DACH2: variants seen among roughly 807,000 people sequenced by gnomAD.
DACH2 encodes the protein dachshund family transcription factor 2.
DACH2 carries 17 observed loss-of-function variants against 35.8 expected under a neutral mutation model. That is an observed-to-expected ratio of 0.48 (90% CI 0.33 to 0.71). DACH2 has a LOEUF of 0.71. Among genes scored for constraint, DACH2 ranks in the 30% least tolerant of loss-of-function variants. DACH2 has a pLI of 0.02. For missense variants in DACH2, 469 were observed against 472.7 expected (o/e 0.99, Z 0.07); for synonymous variants, 195 against 177.3 (o/e 1.10, Z -0.79).
At chrX:86,698,514 GTTTTGTGTTTT>G (rs1488639909) in intron 5 of DACH2, among the ~76,000 whole-genome samples, 3 of 34,342 alleles carry the variant, frequency 8.7e-5, no homozygotes, top group Non-Finnish European at 1.5e-4. Flanking sequence ...TGTTTTGTTA[GTTTTGTGTTTT>G]TTTTTTTTTT....
intron 5 of DACH2, among the ~76,000 whole-genome samples, chrX:86,698,548 T>A (rs1423235407): frequency 4.8e-5 from 4 of 82,979 alleles, no homozygotes; most frequent in Admixed American, 2.9e-4. Context: ...TTTTTTTTTT[T>A]ACAGGGTCTC....
chrX:86,718,666 A>G (rs968938398), intron 6 of DACH2, among the ~76,000 whole-genome samples: 1 of 111,841 alleles, frequency 8.9e-6, no homozygotes, highest in Admixed American at 9.5e-5. Flanking sequence ...ATGCTGAAAG[A>G]TAAGGGTCCA....
chrX:86,615,759 C>T (rs1322912969), intron 3 of DACH2, among the ~76,000 whole-genome samples: 2 of 110,817 alleles, frequency 1.8e-5, no homozygotes, highest in Admixed American at 9.6e-5. Context: ...ATTTAACTGC[C>T]TACTGATTTA....
intron 7 of DACH2, among the ~76,000 whole-genome samples, chrX:86,761,599 T>A (rs907400006): frequency 2.7e-5 from 3 of 111,725 alleles, no homozygotes; most frequent in Non-Finnish European, 5.6e-5. Context: ...CATGTACATG[T>A]ATGTTTATTG....
chrX:86,303,108 C>T (rs1042612124), intron 1 of DACH2, among the ~76,000 whole-genome samples: 1 of 102,668 alleles, frequency 9.7e-6, no homozygotes, highest in African/African-American at 3.6e-5. Context: ...CATTGTGGCC[C>T]CATAGTCCAT....
chrX:86,291,486 C>T (rs1272561801), intron 1 of DACH2, among the ~76,000 whole-genome samples: 2 of 104,662 alleles, frequency 1.9e-5, no homozygotes, highest in Admixed American at 1.1e-4. Flanking sequence ...TGAGAGAGGG[C>T]ATCCCTGTCT....
chrX:86,204,834 T>A (rs1368739017), intron 1 of DACH2, among the ~76,000 whole-genome samples: 3 of 112,085 alleles, frequency 2.7e-5, no homozygotes, highest in Non-Finnish European at 3.8e-5. Context: ...TAGATGATAT[T>A]TGAGACTTGA....
chrX:86,681,463 C>G (rs1387972870), intron 4 of DACH2, among the ~76,000 whole-genome samples: 2 of 108,947 alleles, frequency 1.8e-5, no homozygotes, highest in Non-Finnish European at 3.8e-5. Context: ...ACCTGTATTG[C>G]TAGCTATTCG....
At chrX:86,688,828 T>C in intron 4 of DACH2, among the ~76,000 whole-genome samples, 1 of 112,482 alleles carries the variant, frequency 8.9e-6, no homozygotes, top group African/African-American at 3.2e-5. Context: ...AAATTATCAA[T>C]ATCTGTACTT....
intron 3 of DACH2, among the ~76,000 whole-genome samples, chrX:86,599,286 C>T (rs376060046): frequency 9.0e-6 from 1 of 111,007 alleles, no homozygotes; most frequent in East Asian, 2.9e-4. Flanking sequence ...TGGCTCATTT[C>T]TCTCAGAATG....
At chrX:86,730,255 C>G (rs768854583) in intron 6 of DACH2, among the ~76,000 whole-genome samples, 1 of 111,631 alleles carries the variant, frequency 9.0e-6, no homozygotes, top group East Asian at 2.8e-4. Flanking sequence ...ACTGGATATA[C>G]AAATCATACT....
intron 4 of DACH2, among the ~76,000 whole-genome samples, chrX:86,662,273 T>C (rs1002044863): frequency 1.8e-5 from 2 of 110,899 alleles, no homozygotes; most frequent in Admixed American, 9.6e-5. Flanking sequence ...AGTAAGAAGG[T>C]ATCACTAGTT....
chrX:86,328,446 T>A (rs182631261), intron 1 of DACH2, among the ~76,000 whole-genome samples: 93 of 112,035 alleles, frequency 8.3e-4, no homozygotes, highest in African/African-American at 3.0e-3. Flanking sequence ...ATTTTTCAAG[T>A]AACAATTCTA....
intron 2 of DACH2, among the ~76,000 whole-genome samples, chrX:86,455,365 C>G (rs1602539012): frequency 9.0e-6 from 1 of 111,278 alleles, no homozygotes; most frequent in East Asian, 2.9e-4. Context: ...TGGACTCTTC[C>G]AAAGCTCGCA....
rs1398168489 is a variant in DACH2, at chrX:86,514,382, A to C, written c.631A>C (p.Thr211Pro). The C allele has an allele frequency of 2.5e-6, 3 of 1,204,388 alleles. No individual in the cohort carries two copies. The highest frequency in any genetic ancestry group is 3.5e-5 in the African/African-American group (2 of 56,841). Reference protein sequence around the residue: ...VPGLLSPGLITPTGITAAAMA... With the variant: ...VPGLLSPGLIPPTGITAAAMA... ...AGGCCTCTTATCGCCAGGACTTATC[A>C]CTCCGACAGGTAATAAAATCCATCT... The change falls in exon 3 of 12, where the codon ACT becomes CCT. Residue 211 changes from threonine to proline, a missense_variant. Around this residue, in one of 3 missense-constraint regions of DACH2, gnomAD observed 363 missense variants for 334.4 expected, o/e 1.09. Transcript: ENST00000373125.
At chrX:86,713,736 C>A (rs2041303970) in intron 5 of DACH2, among the ~76,000 whole-genome samples, 1 of 111,297 alleles carries the variant, frequency 9.0e-6, no homozygotes, top group African/African-American at 3.3e-5. Flanking sequence ...CAAATTTCAG[C>A]CTATTAAGGG....
intron 1 of DACH2, among the ~76,000 whole-genome samples, chrX:86,266,840 A>G: frequency 8.9e-6 from 1 of 111,855 alleles, no homozygotes; most frequent in Non-Finnish European, 1.9e-5. Flanking sequence ...ATCAGTTACT[A>G]TTTGTTAATT....
chrX:86,554,636 C>T (rs535955455), intron 3 of DACH2, among the ~76,000 whole-genome samples: 3 of 111,733 alleles, frequency 2.7e-5, no homozygotes, highest in African/African-American at 6.5e-5. Context: ...GACTCTGTTA[C>T]GGCAATATGA....
At chrX:86,741,355 A>G (rs1208119331) in intron 7 of DACH2, among the ~76,000 whole-genome samples, 2 of 111,499 alleles carry the variant, frequency 1.8e-5, no homozygotes, top group African/African-American at 6.5e-5. Context: ...ATAATCACCT[A>G]TGGAGTTTTT....
Sources: gnomAD v4.1 joint callset for allele counts (sites outside exome capture counted in the v4.1 genomes callset) on GRCh38, gnomAD v4.1.1 for gene constraint, gnomAD v4.1.1 regional missense constraint, MANE v1.5 for transcripts, NCBI Gene and HGNC (gene_info 2026-07-23, HGNC 2026-07-21) for gene names.